PAK5: variants seen among roughly 807,000 people sequenced by gnomAD.
The protein encoded by PAK5 is serine/threonine-protein kinase PAK 5.
PAK5 carries 16 observed loss-of-function variants against 65.9 expected under a neutral mutation model. The observed-to-expected ratio is 0.24, with a 90% confidence interval of 0.16 to 0.37. PAK5 has a LOEUF of 0.37. PAK5 is among the 10% of genes least tolerant of loss of function. PAK5 has a pLI of 1.00. For missense variants in PAK5, 785 were observed against 903.9 expected (o/e 0.87, Z 1.69); for synonymous variants, 371 against 354.9 (o/e 1.05, Z -0.51).
intron 1 of PAK5, among the ~76,000 whole-genome samples, chr20:9,722,136 C>CTGAG (rs1366029964): frequency 6.6e-6 from 1 of 152,000 alleles, no homozygotes; most frequent in African/African-American, 2.4e-5. Flanking sequence ...CTTGAATGAA[C>CTGAG]TGAGTGAGTG....
At position 9,757,095 on chromosome 20, in the gene PAK5, C is replaced by T. The variant is rs894221296; in HGVS notation, c.-161-45660G>A. Among the ~76,000 whole-genome samples the T allele has an allele frequency of 2.6e-5, 4 of 152,012 alleles. No individual in the cohort carries two copies. In the South Asian group the frequency reaches 6.2e-4, roughly 24 times the overall value. The stretch of plus-strand genomic sequence containing the variant: ...ACTCATTTGAAAACATACTTTTCAC[C>T]GAATTCTTTCCCTACCCTGTCTCAT... On this transcript the variant is annotated intron_variant, in intron 1 of 9. Transcript: ENST00000353224.
At chr20:9,745,488 C>T (rs567661213) in intron 1 of PAK5, among the ~76,000 whole-genome samples, 1 of 152,106 alleles carries the variant, frequency 6.6e-6, no homozygotes, top group East Asian at 1.9e-4. Context: ...AATAGGTGGT[C>T]AATTTAATAC....
intron 8 of PAK5, among the ~76,000 whole-genome samples, chr20:9,542,922 A>C (rs1009101149): frequency 6.6e-6 from 1 of 152,258 alleles, no homozygotes; most frequent in Non-Finnish European, 1.5e-5. Context: ...ACTTCAGTGA[A>C]GGTTCCACCC....
chr20:9,756,343 T>A (rs149967785), intron 1 of PAK5, among the ~76,000 whole-genome samples: 44 of 152,244 alleles, frequency 2.9e-4, no homozygotes, highest in African/African-American at 9.9e-4. Flanking sequence ...CTCTGATGCA[T>A]TGGGTGGAGC....
chr20:9,629,062 C>T (rs1350294356), intron 3 of PAK5, among the ~76,000 whole-genome samples: 1 of 152,152 alleles, frequency 6.6e-6, no homozygotes, highest in African/African-American at 2.4e-5. Context: ...TACCCCATTC[C>T]CTCAGAACTG....
rs139521431 is a variant in PAK5 at position 9,685,902 on chromosome 20, G to A, written c.-12+25384C>T. ...CCATTCTGCCTGCATCCCTGGCCTGGAAGTTTCTGATAAAAAAATTATCAT... is the reference window on the plus strand; with the variant it reads ...CCATTCTGCCTGCATCCCTGGCCTGAAAGTTTCTGATAAAAAAATTATCAT... On this transcript the variant is annotated intron_variant, in intron 2 of 9. Coordinates refer to ENST00000353224, the MANE Select transcript of PAK5 (RefSeq NM_177990.4). Among the ~76,000 whole-genome samples the A allele has an allele frequency of 2.1e-3, 315 of 152,240 alleles. 2 individuals carry two copies. The highest frequency in any genetic ancestry group is 2.9e-3 in the Non-Finnish European group (199 of 68,004).
At chr20:9,701,024 G>A (rs6056811) in intron 2 of PAK5, among the ~76,000 whole-genome samples, 1 of 152,122 alleles carries the variant, frequency 6.6e-6, no homozygotes, top group African/African-American at 2.4e-5. Context: ...GAGATAGGTA[G>A]GAGCCATTGC....
chr20:9,672,617 G>C (rs966878340), intron 2 of PAK5, among the ~76,000 whole-genome samples: 1 of 151,882 alleles, frequency 6.6e-6, no homozygotes, highest in African/African-American at 2.4e-5. Flanking sequence ...AAGCCTCCTC[G>C]GCCATGTGGA....
Position 9,615,853 on chromosome 20 carries a change from G to A in PAK5, c.204+28272C>T, listed in dbSNP as rs145245105. 6.6e-5 allele frequency among the ~76,000 whole-genome samples: 10 copies of A among 152,308 alleles called. No individual in the cohort carries two copies. The East Asian group carries it at 1.9e-3, about 29-fold the overall frequency. On this transcript the variant is annotated intron_variant, in intron 3 of 9. Coordinates refer to ENST00000353224, the MANE Select transcript of PAK5 (RefSeq NM_177990.4). ...GGCAGCGGATGGTGACTCTTGTCTG[G>A]GGGCACAGCTAGGCAGTCTGCTGGA...
intron 2 of PAK5, among the ~76,000 whole-genome samples, chr20:9,662,090 AT>A (rs1436587403): frequency 6.6e-6 from 1 of 152,140 alleles, no homozygotes; most frequent in Non-Finnish European, 1.5e-5. Flanking sequence ...TGGCACTGGA[AT>A]TTTAATATAT....
At chr20:9,656,268 G>T (rs754392074) in intron 2 of PAK5, among the ~76,000 whole-genome samples, 1 of 152,030 alleles carries the variant, frequency 6.6e-6, no homozygotes, top group East Asian at 1.9e-4. Context: ...TTTGTTGAAT[G>T]AATAGTCACT....
chr20:9,691,815 C>G (rs944653948), intron 2 of PAK5, among the ~76,000 whole-genome samples: 1 of 152,160 alleles, frequency 6.6e-6, no homozygotes, highest in African/African-American at 2.4e-5. Flanking sequence ...ACCCCATATT[C>G]AGTCTGCAAG....
intron 1 of PAK5, among the ~76,000 whole-genome samples, chr20:9,732,181 GA>G (rs2048341438): frequency 8.3e-6 from 1 of 120,838 alleles, no homozygotes; most frequent in Admixed American, 8.4e-5. Flanking sequence ...TCACTCTTCT[GA>G]AAGTTTAAGT....
rs148310241 is a variant in PAK5 at position 9,758,420 on chromosome 20, G to A, written c.-161-46985C>T. The stretch of plus-strand genomic sequence containing the variant: ...ACAGATCTCCCCACATGCCAAGCCC[G>A]TGCAACAACAGTGATGTCTCCTTCC... On this transcript the variant is annotated intron_variant, in intron 1 of 9. Coordinates refer to ENST00000353224, the MANE Select transcript of PAK5 (RefSeq NM_177990.4). Among the ~76,000 whole-genome samples, 31 of 152,254 alleles carry A rather than the reference G, an allele frequency of 2.0e-4. 1 individual carries two copies. Among genetic ancestry groups the A allele is most frequent in the South Asian group, 4.2e-4 (2 of 4,818 alleles).
chr20:9,639,600 G>A (rs1291395592), intron 3 of PAK5, among the ~76,000 whole-genome samples: 1 of 152,192 alleles, frequency 6.6e-6, no homozygotes. Context: ...CTCTATACTT[G>A]AGATGTATCT....
At chr20:9,668,286 G>T (rs1403779690) in intron 2 of PAK5, among the ~76,000 whole-genome samples, 1 of 151,912 alleles carries the variant, frequency 6.6e-6, no homozygotes, top group Non-Finnish European at 1.5e-5. Flanking sequence ...CTATGTCTTT[G>T]TTTTTTCAGA....
At chr20:9,681,917 T>G (rs1277673950) in intron 2 of PAK5, among the ~76,000 whole-genome samples, 1 of 152,202 alleles carries the variant, frequency 6.6e-6, no homozygotes, top group African/African-American at 2.4e-5. Context: ...TTTGGAGGCT[T>G]CTTCACTATA....
At chr20:9,548,863 C>G (rs895231951) in intron 7 of PAK5, among the ~76,000 whole-genome samples, 5 of 152,080 alleles carry the variant, frequency 3.3e-5, no homozygotes, top group Admixed American at 1.3e-4. Flanking sequence ...GATATTCTCA[C>G]TAATTGGCTT....
chr20:9,743,501 T>C (rs1306521026), intron 1 of PAK5, among the ~76,000 whole-genome samples: 2 of 152,178 alleles, frequency 1.3e-5, no homozygotes, highest in East Asian at 1.9e-4. Context: ...TATCAGACTC[T>C]TAGGTAATGC....
Sources: allele counts gnomAD v4.1 joint callset (sites outside exome capture counted in the v4.1 genomes callset), GRCh38; gene constraint gnomAD v4.1.1; transcripts MANE v1.5; gene names NCBI Gene and HGNC (gene_info 2026-07-23, HGNC 2026-07-21).